The following MROH2B variants were observed in gnomAD, a reference collection of about 807,000 sequenced individuals.
MROH2B encodes maestro heat-like repeat-containing protein family member 2B.
In MROH2B, 177 loss-of-function variants were observed where a neutral mutation model predicts 208.6. The ratio of observed to expected loss-of-function variants is 0.85; its 90% CI spans 0.75 to 0.96. The LOEUF (loss-of-function observed/expected upper bound fraction) is 0.96, where lower values mean the gene tolerates loss of function less well. Among genes scored for constraint, MROH2B ranks in the 40% least tolerant of loss-of-function variants. The pLI, the probability that MROH2B is intolerant of heterozygous loss-of-function variation, is 0.00. For synonymous variants in MROH2B, 728 were observed against 659.0 expected, an observed-to-expected ratio of 1.10 and a Z score of -1.60; for missense variants, 2,002 against 1,878.7, an observed-to-expected ratio of 1.07 and a Z score of -1.21.
chr5:41,052,705 A>G (rs1743323015), intron 11 of MROH2B, 118 bp from the exon 12 acceptor site: 3 of 931,262 alleles, frequency 3.2e-6, no homozygotes, highest in Non-Finnish European at 4.5e-6. Context: ...AAAAAGGAAC[A>G]TAAATTGAAT....
intron 24 of MROH2B, among the ~76,000 whole-genome samples, chr5:41,023,032 AC>A (rs1225136498): frequency 7.2e-5 from 11 of 152,142 alleles, no homozygotes; most frequent in African/African-American, 2.4e-4. Context: ...CCACACCAAA[AC>A]CCCGTCTGTA....
Position 41,038,776 on chromosome 5 carries a change from A to G in MROH2B, c.2174T>C (p.Ile725Thr). 3 of 1,613,524 alleles carry G rather than the reference A, an allele frequency of 1.9e-6. No homozygotes were observed. Among genetic ancestry groups the G allele is most frequent in the Middle Eastern group, 1.7e-4 (1 of 6,008 alleles). Reference sequence around the variant, plus strand: ...ATGAAGAGACAGGACTTGGGATATGATATCTTGATTAAGTCTGGAGAGAAG... The same window carrying G: ...ATGAAGAGACAGGACTTGGGATATGGTATCTTGATTAAGTCTGGAGAGAAG... The part of the protein sequence containing the change: ...KQLLSRLNQD[I>T]ISQVLSLHGQ... Residue 725 changes from isoleucine to threonine, a missense_variant, in exon 21 of 42, where the codon ATC becomes ACC. Transcript: ENST00000399564.
At chr5:41,045,627 T>TC in intron 18 of MROH2B, 119 bp downstream of exon 18, 1 of 679,100 alleles carries the variant, frequency 1.5e-6, no homozygotes, top group Non-Finnish European at 2.4e-6. Flanking sequence ...AAGAGGGAAC[T>TC]CTTTTTTTTT....
intron 5 of MROH2B, among the ~76,000 whole-genome samples, chr5:41,062,681 C>T (rs1262648349): frequency 2.6e-5 from 4 of 152,170 alleles, no homozygotes; most frequent in African/African-American, 9.7e-5. Flanking sequence ...TTCAGGGACT[C>T]CTCACATTCA....
chr5:41,049,163 C>A (rs867149706), intron 14 of MROH2B, 22 bp from the exon 15 acceptor site: 1 of 1,602,032 alleles, frequency 6.2e-7, no homozygotes, highest in Middle Eastern at 1.7e-4. Context: ...AAGCAATTTT[C>A]ATCATCACTG....
intron 28 of MROH2B, among the ~76,000 whole-genome samples, chr5:41,016,824 C>T (rs1460648281): frequency 1.3e-5 from 2 of 151,888 alleles, no homozygotes; most frequent in Middle Eastern, 3.2e-3. Flanking sequence ...TATTTTTTTC[C>T]TGACTTGGTA....
In MROH2B at chr5:41,054,773, A is replaced by G; in HGVS notation, c.1101T>C (p.Ser367=). 4 of 1,607,226 alleles carry G rather than the reference A, an allele frequency of 2.5e-6. 1 individual carries two copies. The highest frequency in any genetic ancestry group is 1.1e-5 in the South Asian group (1 of 89,656). ...TTTCTATTAATTCTCTTACTTTTGT[A>G]CTGAGATCACCCATGACGATTTTGA... ...RTVKIVMGDL[S]TKVRNSVLLL... Residue 367 remains serine (S), a synonymous_variant, in exon 11 of 42, where the codon AGT becomes AGC. Coordinates refer to ENST00000399564, the MANE Select transcript of MROH2B (RefSeq NM_173489.5).
At chr5:41,043,941 A>G in intron 18 of MROH2B, among the ~76,000 whole-genome samples, 1 of 152,164 alleles carries the variant, frequency 6.6e-6, no homozygotes, top group African/African-American at 2.4e-5. Flanking sequence ...CAGCTGTGCT[A>G]GTTAAGATGC....
chr5:41,053,190 A>G (rs950241201), intron 11 of MROH2B, among the ~76,000 whole-genome samples: 4 of 152,192 alleles, frequency 2.6e-5, no homozygotes, highest in African/African-American at 4.8e-5. Context: ...GAGTCCAAAC[A>G]ACTATGAAAA....
chr5:41,011,700 C>T lies in MROH2B; in HGVS notation c.3135+883G>A, dbSNP rs369060969. On this transcript the variant is annotated intron_variant, in intron 30 of 41. Coordinates refer to ENST00000399564, the MANE Select transcript of MROH2B (RefSeq NM_173489.5). ...TTTTTTTTTTTGAGACTGAGCCTTG[C>T]TCTATTGCCCAGGCTGGAGTGCAGT... Among the ~76,000 whole-genome samples the T allele has an allele frequency of 5.3e-5, 8 of 150,092 alleles. No individual in the cohort carries two copies. In the South Asian group the frequency reaches 1.7e-3, roughly 31 times the overall value.
At chr5:41,022,871 C>G (rs531528554) in intron 24 of MROH2B, among the ~76,000 whole-genome samples, 14 of 152,304 alleles carry the variant, frequency 9.2e-5, no homozygotes, top group African/African-American at 3.1e-4. Flanking sequence ...GAGGCAGCAA[C>G]ATTGGCTGTT....
chr5:41,059,637 T>C (rs1743574367), intron 6 of MROH2B, among the ~76,000 whole-genome samples: 2 of 152,230 alleles, frequency 1.3e-5, no homozygotes, highest in African/African-American at 4.8e-5. Context: ...TCAAGATTTT[T>C]CTTGAGTGCT....
intron 24 of MROH2B, among the ~76,000 whole-genome samples, chr5:41,024,173 C>T (rs1025727054): frequency 2.0e-5 from 3 of 152,144 alleles, no homozygotes; most frequent in Non-Finnish European, 4.4e-5. Flanking sequence ...GGATCAAATT[C>T]ACACATAACA....
At position 41,041,622 on chromosome 5, in the gene MROH2B, T is replaced by TCAA. The variant is rs569467895; in HGVS notation, c.1953+467_1953+469dup. Among the ~76,000 whole-genome samples the TCAA allele has an allele frequency of 1.8e-3, 281 of 152,006 alleles. 3 individuals carry two copies. The East Asian group carries it at 0.033, about 18-fold the overall frequency. On this transcript the variant is annotated intron_variant, in intron 19 of 41. Coordinates refer to ENST00000399564, the MANE Select transcript of MROH2B (RefSeq NM_173489.5). ...CCGGGTGACAGAGCGACACTCTGTC[T>TCAA]CAACAACAACAACAACAACAACAAA... is the stretch of plus-strand genomic sequence containing the variant.
At chr5:41,032,349 A>G (rs1174258541) in intron 24 of MROH2B, among the ~76,000 whole-genome samples, 1 of 152,122 alleles carries the variant, frequency 6.6e-6, no homozygotes, top group Non-Finnish European at 1.5e-5. Flanking sequence ...AAATATGCCA[A>G]AAAGTATTTC....
chr5:41,024,940 G>A (rs191727193), intron 24 of MROH2B, among the ~76,000 whole-genome samples: 1 of 152,296 alleles, frequency 6.6e-6, no homozygotes, highest in African/African-American at 2.4e-5. Context: ...TGACTGCTGG[G>A]TACATAACGA....
At position 41,008,697 on chromosome 5, in the gene MROH2B, T is replaced by C; in HGVS notation, c.3517A>G (p.Thr1173Ala). ...CAAGTGAGCATCTTCTGGCCCAGTGTGCAGCTAACCAGCTTCAGGAGGAGA... is the reference window on the plus strand; with the variant it reads ...CAAGTGAGCATCTTCTGGCCCAGTGCGCAGCTAACCAGCTTCAGGAGGAGA... ...FTLLLKLVSC[T>A]LGQKMLTCPW... The change falls in exon 33 of 42, where the codon ACA (threonine) becomes GCA (alanine). Residue 1173 changes from threonine (T) to alanine (A), a missense_variant. Physicochemically the swap from Thr to Ala is moderately conservative, Grantham distance 58 (BLOSUM62 0). Coordinates refer to ENST00000399564, the MANE Select transcript of MROH2B (RefSeq NM_173489.5). 1 of 1,613,902 alleles carries C rather than the reference T, an allele frequency of 6.2e-7. No individual in the cohort carries two copies. Among genetic ancestry groups the C allele is most frequent in the Non-Finnish European group, 8.5e-7 (1 of 1,179,836 alleles).
In MROH2B at chr5:41,004,366, T is replaced by C. The variant is rs1170375442; in HGVS notation, c.4174A>G (p.Thr1392Ala). The C allele has an allele frequency of 6.2e-7, 1 of 1,613,302 alleles. No individual in the cohort carries two copies. Among genetic ancestry groups the C allele is most frequent in the Non-Finnish European group, 8.5e-7 (1 of 1,179,730 alleles). ...SFYFKEIVLQ[T>A]RTFFEDEQDD... is the part of the protein sequence containing the mutation. The stretch of plus-strand genomic sequence containing the variant: ...CTTACATCTTCAAAGAAGGTCCTTG[T>C]TTGCAGCACTATTTCCTTGAAGTAG... Residue 1392 changes from threonine (T) to alanine (A), a missense_variant, in exon 37 of 42, where the codon ACA (threonine) becomes GCA (alanine). Coordinates refer to ENST00000399564, the MANE Select transcript of MROH2B (RefSeq NM_173489.5).
At chr5:41,055,323 G>T (rs1450065200) in intron 10 of MROH2B, among the ~76,000 whole-genome samples, 1 of 152,134 alleles carries the variant, frequency 6.6e-6, no homozygotes, top group Non-Finnish European at 1.5e-5. Context: ...TCAATTGTAA[G>T]ATGCATTCAG....
Sources: allele counts gnomAD v4.1 joint callset (sites outside exome capture counted in the v4.1 genomes callset), GRCh38; gene constraint gnomAD v4.1.1; transcripts MANE v1.5; gene names NCBI Gene and HGNC (gene_info 2026-07-23, HGNC 2026-07-21).